The following CENPW variants were observed in gnomAD, a reference collection of about 807,000 sequenced individuals.
The protein encoded by CENPW is centromere protein W, also known as cancer-up-regulated gene 2 protein.
A neutral mutation model predicts 11.1 loss-of-function variants in CENPW; 3 were observed. That is an observed-to-expected ratio of 0.27 (90% CI 0.12 to 0.70). The LOEUF (loss-of-function observed/expected upper bound fraction) is 0.70, where lower values mean the gene tolerates loss of function less well. CENPW is among the 30% of genes least tolerant of loss of function. The pLI, the probability that CENPW is intolerant of heterozygous loss-of-function variation, is 0.77. For missense variants in CENPW, 100 were observed against 105.6 expected (o/e 0.95, Z 0.23); for synonymous variants, 38 against 42.0 (o/e 0.91, Z 0.37).
At chr6:126,425,542 ACT>A in the CENPW span, among the ~76,000 whole-genome samples, 1 of 152,038 alleles carries the variant, frequency 6.6e-6, no homozygotes, top group South Asian at 2.1e-4. Flanking sequence ...TTGGCCAAAG[ACT>A]CTTATGAAAT....
At chr6:126,439,051 T>C in the CENPW span, among the ~76,000 whole-genome samples, 103 of 151,820 alleles carry the variant, frequency 6.8e-4, no homozygotes, top group Admixed American at 1.1e-3. Flanking sequence ...GAATACCAAC[T>C]ATATTGGATG....
At chr6:126,387,027 A>G in the CENPW span, among the ~76,000 whole-genome samples, 107 of 152,134 alleles carry the variant, frequency 7.0e-4, no homozygotes, top group Non-Finnish European at 1.1e-3. Flanking sequence ...TGATTTATTT[A>G]GAGAAACTAA....
chr6:126,481,558 A>G, the CENPW span, among the ~76,000 whole-genome samples: 4 of 151,730 alleles, frequency 2.6e-5, no homozygotes, highest in African/African-American at 9.7e-5. Context: ...TTTATCAGCA[A>G]CCCCCTCCAG....
At chr6:126,411,546 A>C in the CENPW span, among the ~76,000 whole-genome samples, 1 of 151,912 alleles carries the variant, frequency 6.6e-6, no homozygotes, top group East Asian at 1.9e-4. Flanking sequence ...GTGCAAGTTC[A>C]CTCTCTGTAT....
the CENPW span, among the ~76,000 whole-genome samples, chr6:126,456,946 GCTATACACCA>G: frequency 2.5e-3 from 384 of 151,578 alleles, 1 homozygote; most frequent in Non-Finnish European, 3.5e-3. Flanking sequence ...ATGAAAACAT[GCTATACACCA>G]CTAATTTGAG....
At chr6:126,447,842 C>T in the CENPW span, among the ~76,000 whole-genome samples, 1 of 151,230 alleles carries the variant, frequency 6.6e-6, no homozygotes, top group African/African-American at 2.4e-5. Flanking sequence ...GAACTGGAAT[C>T]GAGGTTGGTC....
the CENPW span, among the ~76,000 whole-genome samples, chr6:126,413,253 C>T: frequency 1.8e-3 from 274 of 152,114 alleles, 1 homozygote; most frequent in Non-Finnish European, 2.9e-3. Flanking sequence ...ATAGATTCAA[C>T]GCAGAAAGAG....
chr6:126,412,169 G>A, the CENPW span, among the ~76,000 whole-genome samples: 1 of 120,990 alleles, frequency 8.3e-6, no homozygotes, highest in African/African-American at 3.1e-5. Context: ...TAAATTTTTT[G>A]TAAAGGTAGA....
chr6:126,411,128 C>G, the CENPW span, among the ~76,000 whole-genome samples: 1 of 152,088 alleles, frequency 6.6e-6, no homozygotes, highest in Non-Finnish European at 1.5e-5. Flanking sequence ...TCTAGAGTGG[C>G]TTTCATAGAG....
the CENPW span, among the ~76,000 whole-genome samples, chr6:126,443,056 T>A: frequency 6.6e-6 from 1 of 151,364 alleles, no homozygotes; most frequent in Admixed American, 6.6e-5. Context: ...GTCAGCTGTT[T>A]ATTTTTTCTA....
the CENPW span, among the ~76,000 whole-genome samples, chr6:126,429,425 C>T: frequency 2.2e-4 from 33 of 152,172 alleles, no homozygotes; most frequent in African/African-American, 7.9e-4. Context: ...TTGGTGCTGT[C>T]CCTGCAATAG....
At chr6:126,464,668 A>T in the CENPW span, among the ~76,000 whole-genome samples, 1 of 152,168 alleles carries the variant, frequency 6.6e-6, no homozygotes, top group Non-Finnish European at 1.5e-5. Context: ...GCCTTTGGCC[A>T]CAGACTGAAG....
chr6:126,414,488 A>G, the CENPW span, among the ~76,000 whole-genome samples: 1 of 152,166 alleles, frequency 6.6e-6, no homozygotes, highest in Non-Finnish European at 1.5e-5. Context: ...ACTGAAATCA[A>G]TAGTGAGAAA....
At chr6:126,470,856 G>C in the CENPW span, among the ~76,000 whole-genome samples, 3 of 152,230 alleles carry the variant, frequency 2.0e-5, no homozygotes, top group Non-Finnish European at 4.4e-5. Context: ...TGGCCCCTTT[G>C]TTTTGGCTGA....
At chr6:126,372,173 C>G in the CENPW span, among the ~76,000 whole-genome samples, 5 of 151,562 alleles carry the variant, frequency 3.3e-5, no homozygotes, top group African/African-American at 1.2e-4. Flanking sequence ...GAGATGTGAC[C>G]TTAAATGGAC....
chr6:126,400,076 T>C, the CENPW span, among the ~76,000 whole-genome samples: 2 of 152,034 alleles, frequency 1.3e-5, no homozygotes, highest in Admixed American at 6.6e-5. Flanking sequence ...CTTGAACGAG[T>C]TATTTTGGAA....
the CENPW span, among the ~76,000 whole-genome samples, chr6:126,396,412 G>GA: frequency 6.6e-6 from 1 of 152,098 alleles, no homozygotes; most frequent in Non-Finnish European, 1.5e-5. Flanking sequence ...AACTTGTGTT[G>GA]AATGCTGCTA....
At chr6:126,392,098 C>G in the CENPW span, among the ~76,000 whole-genome samples, 1 of 151,826 alleles carries the variant, frequency 6.6e-6, no homozygotes, top group African/African-American at 2.4e-5. Context: ...TTCTTCCAAT[C>G]CCCTGAACAT....
the CENPW span, among the ~76,000 whole-genome samples, chr6:126,456,278 G>A: frequency 6.6e-6 from 1 of 151,406 alleles, no homozygotes; most frequent in African/African-American, 2.4e-5. Flanking sequence ...AAAGATGGAA[G>A]TGTCATGTTA....
Sources: allele counts gnomAD v4.1 joint callset (sites outside exome capture counted in the v4.1 genomes callset), GRCh38; gene constraint gnomAD v4.1.1; transcripts MANE v1.5; gene names NCBI Gene and HGNC (gene_info 2026-07-23, HGNC 2026-07-21).